The following MGA variants were observed in gnomAD, a reference collection of about 807,000 sequenced individuals.
The protein encoded by MGA is MAX dimerization protein MGA.
MGA carries 40 observed loss-of-function variants against 261.1 expected under a neutral mutation model. That is an observed-to-expected ratio of 0.15 (90% CI 0.12 to 0.20). The LOEUF (loss-of-function observed/expected upper bound fraction) is 0.20, where lower values mean the gene tolerates loss of function less well. Among genes scored for constraint, MGA ranks in the 10% least tolerant of loss-of-function variants. The pLI is 1.00. For missense variants in MGA, 3,397 were observed against 3,630.5 expected (o/e 0.94, Z 1.65); for synonymous variants, 1,302 against 1,290.6 (o/e 1.01, Z -0.19).
Position 41,729,187 on chromosome 15 carries a change from A to G in MGA, c.3681A>G (p.Pro1227=). The change falls in exon 11 of 24, where the codon CCA becomes CCG. Residue 1227 remains proline, a synonymous_variant. Transcript: ENST00000219905. ...AGATTCGGGAAGAGGACAAAGATCC[A>G]GTCTACTTGTACTTTGAAAGTATGA... 6.2e-7 allele frequency: 1 copy of G among 1,613,812 alleles called. No homozygotes were observed.
At position 41,696,937 on chromosome 15, in the gene MGA, C is replaced by A; in HGVS notation, c.1927C>A (p.Pro643Thr). 2 of 1,603,458 alleles carry A rather than the reference C, an allele frequency of 1.2e-6. No homozygotes were observed. The highest frequency in any genetic ancestry group is 1.7e-6 in the Non-Finnish European group (2 of 1,174,618). Residue 643 changes from proline (P) to threonine (T), a missense_variant, in exon 3 of 24, where the codon CCT becomes ACT. Physicochemically the swap from Pro to Thr is conservative, Grantham distance 38 (BLOSUM62 -1). This residue lies in a region of MGA where 563 missense variants were observed against 563.6 expected (regional missense o/e 1.00). Coordinates refer to ENST00000219905, the MANE Select transcript of MGA (RefSeq NM_001164273.2). ...GTCTTTAATTTCTACAAAGAATACA[C>A]CTGTAAGCCCTGGGAGTACCTTTCC...
intron 2 of MGA, 30 bp downstream of exon 2, chr15:41,669,988 TAAAAG>T (rs2057955095): frequency 9.0e-6 from 14 of 1,551,822 alleles, no homozygotes; most frequent in Non-Finnish European, 1.2e-5. Flanking sequence ...TTCTTAGAAA[TAAAAG>T]GAAGATTGAG....
rs759899047 is a variant in MGA, at chr15:41,696,191, G to T, written c.1181G>T (p.Gly394Val). Reference sequence around the variant, plus strand: ...CTAGATGATTATGACTACGAACTTGGTGAGTGCCCAGAAGGGGTCACTGTG... The same window carrying T: ...CTAGATGATTATGACTACGAACTTGTTGAGTGCCCAGAAGGGGTCACTGTG... The change falls in exon 3 of 24, where the codon GGT becomes GTT. Residue 394 changes from glycine to valine, a missense_variant. This residue lies in a region of MGA where 563 missense variants were observed against 563.6 expected (regional missense o/e 1.00). Coordinates refer to ENST00000219905, the MANE Select transcript of MGA (RefSeq NM_001164273.2). The T allele has an allele frequency of 1.2e-6, 2 of 1,613,930 alleles. No individual in the cohort carries two copies. Among genetic ancestry groups the T allele is most frequent in the South Asian group, 2.2e-5 (2 of 91,084 alleles).
chr15:41,767,195 G>A lies in MGA; in HGVS notation c.9113G>A (p.Arg3038Gln), dbSNP rs747023024. 2.5e-5 allele frequency: 40 copies of A among 1,613,878 alleles called. No individual in the cohort carries two copies. The highest frequency in any genetic ancestry group is 7.7e-5 in the South Asian group (7 of 91,078). The change falls in exon 24 of 24, where the codon CGG (arginine) becomes CAG (glutamine). Residue 3038 changes from arginine (R) to glutamine (Q), a missense_variant. By Grantham distance (43) the Arg-to-Gln change is conservative. Coordinates refer to ENST00000219905, the MANE Select transcript of MGA (RefSeq NM_001164273.2). ...TTAACAGGGAATGACCAGGAAGGCC[G>A]GGAAAGCAAGGTGATGCCTACATTG... is the stretch of plus-strand genomic sequence containing the variant.
At chr15:41,710,576 T>C in intron 7 of MGA, 115 bp from the exon 8 acceptor site, 1 of 1,072,694 alleles carries the variant, frequency 9.3e-7, no homozygotes, top group Non-Finnish European at 1.3e-6. Flanking sequence ...TAAGGGATAG[T>C]TTAGAAGATT....
chr15:41,658,171 T>G (rs1190633803), upstream of MGA, among the ~76,000 whole-genome samples: 1 of 152,164 alleles, frequency 6.6e-6, no homozygotes, highest in Non-Finnish European at 1.5e-5. Context: ...CCCCTTAATA[T>G]TCAGAAAAAT....
intron 15 of MGA, among the ~76,000 whole-genome samples, chr15:41,745,281 TAAAAAAA>T (rs71108126): frequency 3.1e-3 from 103 of 33,220 alleles, no homozygotes; most frequent in South Asian, 0.01. Context: ...GAATGATCAA[TAAAAAAA>T]AAAAAAAAAA....
intron 1 of MGA, among the ~76,000 whole-genome samples, chr15:41,638,688 C>CTTTTTTTTTTTTTTTTTTT (rs761492514): frequency 8.6e-6 from 1 of 115,654 alleles, no homozygotes; most frequent in Non-Finnish European, 1.8e-5. Flanking sequence ...TTTTCTTTTT[C>CTTTTTTTTTTTTTTTTTTT]TTTTTTTTTT....
chr15:41,644,538 A>G (rs567927660), intron 1 of MGA, among the ~76,000 whole-genome samples: 2 of 151,956 alleles, frequency 1.3e-5, no homozygotes, highest in East Asian at 1.9e-4. Flanking sequence ...CGCACCTGTA[A>G]TCCCAGCTAC....
In MGA at chr15:41,750,499, G is replaced by C; in HGVS notation, c.6892G>C (p.Val2298Leu). 1 of 1,613,884 alleles carries C rather than the reference G, an allele frequency of 6.2e-7. No individual in the cohort carries two copies. Among genetic ancestry groups the C allele is most frequent in the Non-Finnish European group, 8.5e-7 (1 of 1,179,834 alleles). Residue 2298 changes from valine to leucine, a missense_variant, in exon 17 of 24, where the codon GTT (valine) becomes CTT (leucine). Val to Leu is a conservative substitution (Grantham distance 32). Transcript: ENST00000219905. ...TGGGAGAAGCAGTGCTGACTTCACT[G>C]TTTTGGATTTGGAAGAAGATGATGA...
chr15:41,676,971 G>A (rs34098887), intron 2 of MGA, among the ~76,000 whole-genome samples: 1 of 152,064 alleles, frequency 6.6e-6, no homozygotes, highest in Admixed American at 6.6e-5. Context: ...TAGACAGAAG[G>A]ATCTTTGAAA....
intron 5 of MGA, among the ~76,000 whole-genome samples, chr15:41,700,560 G>C (rs2059796520): frequency 6.6e-6 from 1 of 152,088 alleles, no homozygotes; most frequent in South Asian, 2.1e-4. Context: ...CCATGTCCCT[G>C]CAAAGGGCAT....
At position 41,669,565 on chromosome 15, in the gene MGA, A is replaced by G. The variant is rs759875810; in HGVS notation, c.671A>G (p.His224Arg). The stretch of plus-strand genomic sequence containing the variant: ...ATACAATTAAATGGCCCTGGTGTCC[A>G]CACTTTTACCTTCCCACAGACTGAA... The change falls in exon 2 of 24, where the codon CAC (histidine) becomes CGC (arginine). Residue 224 changes from histidine to arginine, a missense_variant. His to Arg is a conservative substitution (Grantham distance 29). Transcript: ENST00000219905. 3 of 1,613,916 alleles carry G rather than the reference A, an allele frequency of 1.9e-6. No homozygotes were observed. Among genetic ancestry groups the G allele is most frequent in the East Asian group, 2.2e-5 (1 of 44,904 alleles).
chr15:41,683,217 G>C (rs2058766055), intron 2 of MGA, among the ~76,000 whole-genome samples: 1 of 151,992 alleles, frequency 6.6e-6, no homozygotes. Flanking sequence ...TCTTTGTACT[G>C]TGCTTTATTT....
Position 41,707,837 on chromosome 15 carries a change from A to G in MGA, c.2298A>G (p.Thr766=), listed in dbSNP as rs760768239. The change falls in exon 6 of 24, where the codon ACA becomes ACG. Residue 766 remains threonine, a synonymous_variant. Coordinates refer to ENST00000219905, the MANE Select transcript of MGA (RefSeq NM_001164273.2). ...CTAGCTTTCCTTTTTGGAACCTTAC[A>G]GGAACCAACCCTGCCTCTCCTGGTG... The G allele has an allele frequency of 6.2e-7, 1 of 1,613,898 alleles. No homozygotes were observed. Among genetic ancestry groups the G allele is most frequent in the South Asian group, 1.1e-5 (1 of 91,058 alleles).
intron 1 of MGA, among the ~76,000 whole-genome samples, chr15:41,651,655 CTTCCCCCTTCTCCTCCCCA>C (rs891764683): frequency 3.5e-5 from 1 of 28,686 alleles, no homozygotes; most frequent in African/African-American, 8.6e-5. Context: ...TCTCCTCTCC[CTTCCCCCTTCTCCTCCCCA>C]TTCCCCCTTT....
In MGA at chr15:41,769,378, A is replaced by T. The variant is rs2063948072; in HGVS notation, c.*2098A>T. ...GATTGGAGATACCATTTGACTCTTG[A>T]TGAGAGTTGTACGAAGATGGAAATG... On this transcript the variant is annotated 3_prime_UTR_variant, in exon 24 of 24. Coordinates refer to ENST00000219905, the MANE Select transcript of MGA (RefSeq NM_001164273.2). 6.8e-6 allele frequency: 1 copy of T among 146,812 alleles called. No individual in the cohort carries two copies. The highest frequency in any genetic ancestry group is 1.5e-5 in the Non-Finnish European group (1 of 67,208). The allele number at this position is 146,812 out of a possible 1,614,324, so 9.1% of individuals were successfully genotyped here.
intron 1 of MGA, among the ~76,000 whole-genome samples, chr15:41,667,750 A>G (rs1338749775): frequency 6.6e-6 from 1 of 151,960 alleles, no homozygotes; most frequent in Non-Finnish European, 1.5e-5. Flanking sequence ...TTGCTTTTTG[A>G]TTTTGCTTAA....
At chr15:41,691,947 T>G (rs2059314374) in intron 2 of MGA, among the ~76,000 whole-genome samples, 1 of 152,150 alleles carries the variant, frequency 6.6e-6, no homozygotes, top group Non-Finnish European at 1.5e-5. Flanking sequence ...TTACTGAGCT[T>G]CTTGGATCTG....
Sources: gnomAD v4.1 joint callset for allele counts (sites outside exome capture counted in the v4.1 genomes callset) on GRCh38, gnomAD v4.1.1 for gene constraint, gnomAD v4.1.1 regional missense constraint, MANE v1.5 for transcripts, NCBI Gene and HGNC (gene_info 2026-07-23, HGNC 2026-07-21) for gene names.